Variants in DENND3 observed in about 807,000 individuals in gnomAD.
DENND3 encodes the protein DENN domain-containing protein 3.
Under a neutral mutation model 135.1 loss-of-function variants are expected in DENND3, and 88 were observed. The ratio of observed to expected loss-of-function variants is 0.65; its 90% CI spans 0.55 to 0.78. The LOEUF (loss-of-function observed/expected upper bound fraction) is 0.78, where lower values mean the gene tolerates loss of function less well. Ranked by LOEUF, DENND3 falls within the 30% of genes least tolerant of loss-of-function variation. The pLI is 0.00. For synonymous variants in DENND3, 693 were observed against 712.3 expected (o/e 0.97, Z 0.43); for missense variants, 1,392 against 1,688.4 (o/e 0.82, Z 3.08).
rs1169886778 is a variant in DENND3 at position 141,185,429 on chromosome 8, T to G, written c.3084+151T>G. 4.0e-6 allele frequency: 4 copies of G among 1,009,234 alleles called. No homozygotes were observed. In the East Asian group the frequency reaches 7.8e-5, roughly 20 times the overall value. 62.5% of individuals were successfully genotyped at this position (1,009,234 alleles called of 1,614,324 possible). ...AGGGGGTCTTAACTTTCACCTGGAG[T>G]TTTCAAATTAAATGTAAGCTTGTTC... On this transcript the variant is annotated intron_variant, in intron 18 of 22. Transcript: ENST00000519811.
intron 20 of DENND3, chr8:141,191,378 T>C (rs13270024): frequency 0.19 from 28,581 of 152,294 alleles, 2,881 homozygotes; most frequent in African/African-American, 0.23. Flanking sequence ...CGTTCCTTCT[T>C]GCAGGGTAAT....
rs904285451 is a variant in DENND3 at position 141,174,524 on chromosome 8, G to A, written c.2276-676G>A. Reference sequence around the variant, plus strand: ...CTCCCGCTGACAGATAAGCAGGTTCGTTCCGCGACTTGCCAGGAGTCTCTG... The same window carrying A: ...CTCCCGCTGACAGATAAGCAGGTTCATTCCGCGACTTGCCAGGAGTCTCTG... On this transcript the variant is annotated intron_variant, in intron 13 of 22. Transcript: ENST00000519811. This position sits in a 1 kb window ranked among gnomAD's most constrained non-coding sequence, Gnocchi z 4.6. 2.6e-5 allele frequency among the ~76,000 whole-genome samples: 4 copies of A among 152,164 alleles called. No homozygotes were observed. Among genetic ancestry groups the A allele is most frequent in the Non-Finnish European group, 4.4e-5 (3 of 68,014 alleles).
In DENND3 at chr8:141,182,433, C is replaced by T. The variant is rs1025588026; in HGVS notation, c.2944+1579C>T. 3.9e-5 allele frequency: 38 copies of T among 985,310 alleles called. No homozygotes were observed. Among genetic ancestry groups the T allele is most frequent in the African/African-American group, 1.7e-4 (10 of 57,234 alleles). 61.0% of individuals were successfully genotyped at this position (985,310 alleles called of 1,614,324 possible). On this transcript the variant is annotated intron_variant, in intron 17 of 22. Transcript: ENST00000519811. This position sits in a 1 kb window ranked among gnomAD's most constrained non-coding sequence, Gnocchi z 5.9. ...TCTAAGCCAGGCTCTGTGCTGACTT[C>T]GCCAGAGATGACTCCACAGACCAAG...
intron 22 of DENND3, chr8:141,192,980 C>T (rs748819182): frequency 2.1e-5 from 23 of 1,096,192 alleles, no homozygotes; most frequent in East Asian, 9.2e-5. Flanking sequence ...CCGCTTCCCT[C>T]GGGGGCTCGG....
In DENND3 at chr8:141,130,225, T is replaced by G. The variant is rs1046905678; in HGVS notation, c.102+1416T>G. Among the ~76,000 whole-genome samples the G allele has an allele frequency of 6.6e-6, 1 of 152,158 alleles. No individual in the cohort carries two copies. Among genetic ancestry groups the G allele is most frequent in the African/African-American group, 2.4e-5 (1 of 41,428 alleles). ...CAGTGGTGCTTTCTTTTTTTCAATT[T>G]CTTTATTATTATTATTATGTTAATA... On this transcript the variant is annotated intron_variant, in intron 1 of 22. Transcript: ENST00000519811. This position sits in a 1 kb window ranked among gnomAD's most constrained non-coding sequence, Gnocchi z 4.2.
chr8:141,155,921 G>C lies in DENND3; in HGVS notation c.1147G>C (p.Val383Leu). 1 of 1,612,416 alleles carries C rather than the reference G, an allele frequency of 6.2e-7. No homozygotes were observed. Among genetic ancestry groups the C allele is most frequent in the African/African-American group, 1.3e-5 (1 of 74,948 alleles). Residue 383 changes from valine (V) to leucine (L), a missense_variant, in exon 8 of 23, where the codon GTG (valine) becomes CTG (leucine). Physicochemically the swap from Val to Leu is conservative, Grantham distance 32 (BLOSUM62 1). Coordinates refer to ENST00000519811, the MANE Select transcript of DENND3 (RefSeq NM_001352890.3). ...CTACTCCAAGTCCACGGACGATAACGTGGACATTCCTGATGTCCCCCTCCT... is the reference window on the plus strand; with the variant it reads ...CTACTCCAAGTCCACGGACGATAACCTGGACATTCCTGATGTCCCCCTCCT... ...ITYSKSTDDN[V>L]DIPDVPLLAA...
intron 17 of DENND3, among the ~76,000 whole-genome samples, 165 bp downstream of exon 17, chr8:141,181,019 G>T (rs1823027768): frequency 6.6e-6 from 1 of 152,234 alleles, no homozygotes; most frequent in African/African-American, 2.4e-5. Flanking sequence ...TGACAGGTGT[G>T]CAGCTGGCAC....
chr8:141,176,532 G>T, intron 14 of DENND3, 59 bp from the exon 15 acceptor site: 1 of 1,605,184 alleles, frequency 6.2e-7, no homozygotes, highest in South Asian at 1.1e-5. Flanking sequence ...CTCTGTCTCT[G>T]GTGAATCCAC....
At position 141,130,885 on chromosome 8, in the gene DENND3, C is replaced by T. The variant is rs1392205441; in HGVS notation, c.102+2076C>T. Among the ~76,000 whole-genome samples, 2 of 152,120 alleles carry T rather than the reference C, an allele frequency of 1.3e-5. No individual in the cohort carries two copies. The highest frequency in any genetic ancestry group is 3.9e-4 in the East Asian group (2 of 5,194). ...TATTTTTAGTAGAGACAGGGTTTCA[C>T]CACGTTGGTCAGGCTGGTCTCAAAC... On this transcript the variant is annotated intron_variant, in intron 1 of 22. Coordinates refer to ENST00000519811, the MANE Select transcript of DENND3 (RefSeq NM_001352890.3). This position sits in a 1 kb window ranked among gnomAD's most constrained non-coding sequence, Gnocchi z 4.2.
Position 141,192,365 on chromosome 8 carries a change from T to G in DENND3, c.3414T>G (p.Asn1138Lys). The G allele has an allele frequency of 6.2e-7, 1 of 1,614,230 alleles. No individual in the cohort carries two copies. The highest frequency in any genetic ancestry group is 1.3e-5 in the African/African-American group (1 of 75,076). The change falls in exon 21 of 23, where the codon AAT (asparagine) becomes AAG (lysine). Residue 1138 changes from asparagine to lysine, a missense_variant. Transcript: ENST00000519811. ...TGNSIMVMKM[N>K]GSLHQELKIE... ...ACAGCATCATGGTCATGAAAATGAA[T>G]GGATCCCTCCATCAAGAATTGAAGA...
chr8:141,162,481 C>T (rs544948834), intron 9 of DENND3, among the ~76,000 whole-genome samples: 67 of 152,152 alleles, frequency 4.4e-4, no homozygotes, highest in African/African-American at 1.6e-3. Flanking sequence ...CTTTATTTCC[C>T]CTAGATGAAA....
intron 8 of DENND3, 108 bp downstream of exon 8, chr8:141,156,078 A>G (rs1391889489): frequency 1.5e-6 from 2 of 1,360,164 alleles, no homozygotes; most frequent in Non-Finnish European, 1.9e-6. Context: ...GATGTTTTAT[A>G]TATTATAGTT....
intron 6 of DENND3, 57 bp from the exon 7 acceptor site, chr8:141,151,562 T>C: frequency 6.7e-7 from 1 of 1,489,186 alleles, no homozygotes; most frequent in Non-Finnish European, 9.3e-7. Flanking sequence ...CGAGACCCTG[T>C]CTGTATTTTT....
chr8:141,172,917 T>TA (rs750587201), intron 13 of DENND3, among the ~76,000 whole-genome samples: 4,311 of 126,234 alleles, frequency 0.034, 100 homozygotes, highest in Middle Eastern at 0.074. Context: ...TCTCTAAATT[T>TA]AAAAAAAAAA....
At position 141,154,541 on chromosome 8, in the gene DENND3, C is replaced by T. The variant is rs1819204615; in HGVS notation, c.1075-1308C>T. Among the ~76,000 whole-genome samples, 1 of 151,702 alleles carries T rather than the reference C, an allele frequency of 6.6e-6. No individual in the cohort carries two copies. Among genetic ancestry groups the T allele is most frequent in the South Asian group, 2.1e-4 (1 of 4,786 alleles). ...AGGGTAGGAGAAACCTTGTCAACAA[C>T]ATGTATTGGAATCTTTTTTTTTTCT... On this transcript the variant is annotated intron_variant, in intron 7 of 22. Coordinates refer to ENST00000519811, the MANE Select transcript of DENND3 (RefSeq NM_001352890.3). The surrounding 1 kb of genome is among the most constrained non-coding windows in gnomAD (Gnocchi z 4.4).
At chr8:141,152,844 G>A (rs934821748) in intron 7 of DENND3, among the ~76,000 whole-genome samples, 8 of 152,134 alleles carry the variant, frequency 5.3e-5, no homozygotes, top group South Asian at 2.1e-4. Context: ...CAAAGCGGCC[G>A]TGCCGTTTTA....
chr8:141,136,900 AG>A (rs1303448851), intron 2 of DENND3, 109 bp downstream of exon 2: 1 of 1,205,354 alleles, frequency 8.3e-7, no homozygotes, highest in East Asian at 2.9e-5. Context: ...CGGCAGAGCC[AG>A]GGACCCCTCA....
In DENND3 at chr8:141,134,534, A is replaced by G. The variant is rs144496894; in HGVS notation, c.103-1975A>G. Reference sequence around the variant, plus strand: ...TCCTGACCTCGTGATCTGCCTCCCAAAGTGCTGAGATTACAAGCGTAAGCC... The same window carrying G: ...TCCTGACCTCGTGATCTGCCTCCCAGAGTGCTGAGATTACAAGCGTAAGCC... On this transcript the variant is annotated intron_variant, in intron 1 of 22. Coordinates refer to ENST00000519811, the MANE Select transcript of DENND3 (RefSeq NM_001352890.3). Among the ~76,000 whole-genome samples the G allele has an allele frequency of 4.1e-3, 620 of 151,990 alleles. 4 individuals carry two copies. The highest frequency in any genetic ancestry group is 0.014 in the African/African-American group (597 of 41,460).
At chr8:141,190,496 C>G (rs1420919126) in intron 20 of DENND3, 79 bp downstream of exon 20, 2 of 1,468,138 alleles carry the variant, frequency 1.4e-6, no homozygotes, top group Admixed American at 2.4e-5. Context: ...GAGCAGAAAG[C>G]CTCTTTCCTT....
Sources: allele counts gnomAD v4.1 joint callset (sites outside exome capture counted in the v4.1 genomes callset), GRCh38; gene constraint gnomAD v4.1.1; non-coding constraint Gnocchi (gnomAD v3.1); transcripts MANE v1.5; gene names NCBI Gene and HGNC (gene_info 2026-07-23, HGNC 2026-07-21).